BCL2: variants seen among roughly 807,000 people sequenced by gnomAD.
The protein encoded by BCL2 is BCL2 apoptosis regulator.
A neutral mutation model predicts 14.2 loss-of-function variants in BCL2; 1 was observed. That is an observed-to-expected ratio of 0.07 (90% CI 0.02 to 0.33). The LOEUF is 0.33. Ranked by LOEUF, BCL2 falls within the 10% of genes least tolerant of loss-of-function variation. The pLI, the probability that BCL2 is intolerant of heterozygous loss-of-function variation, is 0.99. For missense variants in BCL2, 247 were observed against 305.9 expected (o/e 0.81, Z 1.44); for synonymous variants, 151 against 137.2 (o/e 1.10, Z -0.70).
intron 2 of BCL2, among the ~76,000 whole-genome samples, chr18:63,205,020 G>C (rs1909797884): frequency 6.6e-6 from 1 of 152,050 alleles, no homozygotes; most frequent in Admixed American, 6.5e-5. Context: ...TGGGGACGGA[G>C]GTGCTAGCGA....
At chr18:63,186,397 A>G (rs942810527) in intron 2 of BCL2, among the ~76,000 whole-genome samples, 1 of 152,226 alleles carries the variant, frequency 6.6e-6, no homozygotes, top group Non-Finnish European at 1.5e-5. Flanking sequence ...CCTTTAATTT[A>G]TAATTAGTGG....
At chr18:63,198,595 GACAC>G (rs1209771006) in intron 2 of BCL2, among the ~76,000 whole-genome samples, 1 of 135,134 alleles carries the variant, frequency 7.4e-6, no homozygotes, top group African/African-American at 2.8e-5. Context: ...TAGACACAGA[GACAC>G]ACACACAGAC....
At chr18:63,233,725 G>A (rs1910747649) in intron 2 of BCL2, among the ~76,000 whole-genome samples, 1 of 152,106 alleles carries the variant, frequency 6.6e-6, no homozygotes, top group African/African-American at 2.4e-5. Context: ...CCATGGCCTG[G>A]GGGCTGGGGA....
chr18:63,319,381 T>A lies in BCL2; in HGVS notation c.-494A>T. The A allele has an allele frequency of 4.4e-6, 1 of 228,188 alleles. No individual in the cohort carries two copies. The highest frequency in any genetic ancestry group is 8.7e-6 in the Non-Finnish European group (1 of 115,262). The allele number at this position is 228,188 out of a possible 1,614,324, so 14.1% of individuals were successfully genotyped here. A position where few individuals can be genotyped will look rare whatever the true frequency, so the allele number is the denominator to read the frequency against. On this transcript the variant is annotated 5_prime_UTR_variant, in exon 1 of 3. Transcript: ENST00000333681. ...TTCCCAGACTTCTGCTTCACAGAAA[T>A]GTCAATCCGCAGGAATCCCAACCGG...
intron 2 of BCL2, among the ~76,000 whole-genome samples, chr18:63,217,496 T>C (rs1038328590): frequency 1.3e-5 from 2 of 152,196 alleles, no homozygotes; most frequent in African/African-American, 4.8e-5. Flanking sequence ...CAGGATAGGC[T>C]GGTCAGAAGG....
intron 2 of BCL2, among the ~76,000 whole-genome samples, chr18:63,215,140 G>A (rs963813291): frequency 5.3e-5 from 8 of 152,136 alleles, no homozygotes; most frequent in Admixed American, 4.6e-4. Context: ...TTGTCTTGAT[G>A]TTTTGGATTT....
At chr18:63,166,339 C>T (rs1915043729) in intron 2 of BCL2, among the ~76,000 whole-genome samples, 2 of 152,094 alleles carry the variant, frequency 1.3e-5, no homozygotes, top group Non-Finnish European at 2.9e-5. Flanking sequence ...GGATGTAAGG[C>T]GAGGAGTCAA....
At chr18:63,238,616 A>G (rs1166882505) in intron 2 of BCL2, among the ~76,000 whole-genome samples, 3 of 152,226 alleles carry the variant, frequency 2.0e-5, no homozygotes, top group Non-Finnish European at 4.4e-5. Flanking sequence ...ATTAAAAGAA[A>G]ATGATGAAGC....
At chr18:63,307,096 C>CA (rs4987715) in intron 2 of BCL2, among the ~76,000 whole-genome samples, 2,221 of 151,936 alleles carry the variant, frequency 0.015, 47 homozygotes, top group African/African-American at 0.051. Context: ...TGACTGAGTG[C>CA]AAAAAAACAA....
rs1394410220 is a variant in BCL2, at chr18:63,211,489, T to C, written c.586-82730A>G. 2.6e-5 allele frequency among the ~76,000 whole-genome samples: 4 copies of C among 152,196 alleles called. No individual in the cohort carries two copies. In the East Asian group the frequency reaches 7.7e-4, roughly 29 times the overall value. On this transcript the variant is annotated intron_variant, in intron 2 of 2. Transcript: ENST00000333681. ...AATCTCTATGTGACATTTTTTTATT[T>C]GCAGTTTTAAGCTATCTATATATTT...
At chr18:63,178,381 T>G (rs1915398753) in intron 2 of BCL2, among the ~76,000 whole-genome samples, 1 of 152,186 alleles carries the variant, frequency 6.6e-6, no homozygotes, top group Admixed American at 6.5e-5. Context: ...CGGGGCGCTG[T>G]GTAATCGAGC....
chr18:63,290,125 T>C (rs1912604704), intron 2 of BCL2, among the ~76,000 whole-genome samples: 1 of 152,030 alleles, frequency 6.6e-6, no homozygotes. Flanking sequence ...GTGATCGGAA[T>C]AGTGATGAGA....
intron 2 of BCL2, among the ~76,000 whole-genome samples, chr18:63,266,827 A>G (rs990061297): frequency 1.3e-5 from 2 of 152,072 alleles, no homozygotes; most frequent in African/African-American, 4.8e-5. Context: ...CCTTTCTCCT[A>G]AAGTTTGGAG....
intron 2 of BCL2, among the ~76,000 whole-genome samples, chr18:63,195,922 A>G (rs1366760654): frequency 1.3e-5 from 2 of 152,238 alleles, no homozygotes; most frequent in East Asian, 3.8e-4. Context: ...GGTCACCATA[A>G]TTATAGCCCA....
intron 2 of BCL2, among the ~76,000 whole-genome samples, chr18:63,293,428 C>T (rs1912709810): frequency 6.6e-6 from 1 of 152,178 alleles, no homozygotes. Flanking sequence ...ATCTATTTTC[C>T]TCCCAACCAA....
intron 2 of BCL2, among the ~76,000 whole-genome samples, chr18:63,206,648 T>C (rs1379531101): frequency 6.6e-6 from 1 of 152,232 alleles, no homozygotes; most frequent in Non-Finnish European, 1.5e-5. Flanking sequence ...TTGATGCCTC[T>C]AGTAAGTGCC....
chr18:63,217,878 G>A (rs1910248621), intron 2 of BCL2, among the ~76,000 whole-genome samples: 2 of 152,266 alleles, frequency 1.3e-5, no homozygotes, highest in South Asian at 2.1e-4. Context: ...TTCACTTTAA[G>A]CAAAATGGCA....
At chr18:63,134,345 G>A (rs551168951) in intron 2 of BCL2, among the ~76,000 whole-genome samples, 1 of 152,274 alleles carries the variant, frequency 6.6e-6, no homozygotes, top group South Asian at 2.1e-4. Flanking sequence ...AAAATGCTGG[G>A]AGATGATGTC....
intron 2 of BCL2, among the ~76,000 whole-genome samples, chr18:63,245,442 A>AT (rs1268248534): frequency 6.6e-6 from 1 of 152,182 alleles, no homozygotes; most frequent in Non-Finnish European, 1.5e-5. Flanking sequence ...CTCACTGTAG[A>AT]TTTTTCCAGA....
Sources: allele counts gnomAD v4.1 joint callset (sites outside exome capture counted in the v4.1 genomes callset), GRCh38; gene constraint gnomAD v4.1.1; transcripts MANE v1.5; gene names NCBI Gene and HGNC (gene_info 2026-07-23, HGNC 2026-07-21).